UBR1: variants seen among roughly 807,000 people sequenced by gnomAD.
UBR1 encodes the protein ubiquitin protein ligase E3 component n-recognin 1, also known as E3 ubiquitin-protein ligase UBR1.
A neutral mutation model predicts 242.1 loss-of-function variants in UBR1; 102 were observed. The ratio of observed to expected loss-of-function variants is 0.42; its 90% CI spans 0.36 to 0.50. The LOEUF (loss-of-function observed/expected upper bound fraction) is 0.50. Among genes scored for constraint, UBR1 ranks in the 20% least tolerant of loss-of-function variants. UBR1 has a pLI of 0.01. For synonymous variants in UBR1, 675 were observed against 684.8 expected (o/e 0.99, Z 0.22); for missense variants, 1,772 against 2,101.8 (o/e 0.84, Z 3.07).
At chr15:42,978,042 C>G in intron 37 of UBR1, 95 bp from the exon 38 acceptor site, 2 of 945,998 alleles carry the variant, frequency 2.1e-6, no homozygotes, top group Non-Finnish European at 3.4e-6. Context: ...AAACATATAA[C>G]AGGGTTATAA....
At chr15:42,974,635 G>T (rs994258191) in intron 39 of UBR1, among the ~76,000 whole-genome samples, 7 of 152,082 alleles carry the variant, frequency 4.6e-5, no homozygotes, top group African/African-American at 1.4e-4. Flanking sequence ...GATTGACAGG[G>T]TCTCACTCTG....
chr15:42,990,598 T>G (rs1028219872), intron 33 of UBR1, among the ~76,000 whole-genome samples: 6 of 152,252 alleles, frequency 3.9e-5, no homozygotes, highest in Non-Finnish European at 8.8e-5. Flanking sequence ...GATATTCTTC[T>G]GTTCCCCATA....
chr15:43,047,064 A>C, intron 14 of UBR1, 97 bp downstream of exon 14: 2 of 1,425,832 alleles, frequency 1.4e-6, no homozygotes, highest in South Asian at 2.4e-5. Context: ...ATAAATAATA[A>C]AAACTTTACA....
chr15:43,019,107 G>A (rs1157719902), intron 27 of UBR1, among the ~76,000 whole-genome samples: 10 of 151,476 alleles, frequency 6.6e-5, no homozygotes, highest in South Asian at 6.2e-4. Flanking sequence ...TGTCGCCCAC[G>A]CTGGAGTGCA....
chr15:42,952,335 A>G lies in UBR1; in HGVS notation c.4949T>C (p.Val1650Ala). 1.2e-6 allele frequency: 2 copies of G among 1,614,104 alleles called. No individual in the cohort carries two copies. Among genetic ancestry groups the G allele is most frequent in the Non-Finnish European group, 1.7e-6 (2 of 1,180,010 alleles). The change falls in exon 45 of 47, where the codon GTT (valine) becomes GCT (alanine). Residue 1650 changes from valine (V) to alanine (A), a missense_variant. Transcript: ENST00000290650. ...CCQEIVNGEE[V>A]GACIFHALHC... ...AAGTGCGTGAAAAATGCAAGCTCCA[A>G]CCTCTTCCCCGTTCACAATTTCCTG...
intron 1 of UBR1, among the ~76,000 whole-genome samples, chr15:43,093,828 A>AT (rs1417833217): frequency 6.6e-6 from 1 of 151,120 alleles, no homozygotes; most frequent in African/African-American, 2.4e-5. Flanking sequence ...AGGCAAGCTC[A>AT]TAACTAAGCT....
chr15:43,035,253 T>A (rs2033317642), intron 19 of UBR1, among the ~76,000 whole-genome samples: 1 of 152,238 alleles, frequency 6.6e-6, no homozygotes, highest in South Asian at 2.1e-4. Flanking sequence ...AAAGTGATCA[T>A]TTCTAGGAAG....
chr15:43,044,680 C>G (rs1172521055), intron 14 of UBR1, among the ~76,000 whole-genome samples: 2 of 152,088 alleles, frequency 1.3e-5, no homozygotes, highest in Non-Finnish European at 2.9e-5. Flanking sequence ...ATCACGAGGT[C>G]AGGAGTTTGA....
chr15:42,974,464 A>G (rs1023331273), intron 39 of UBR1, among the ~76,000 whole-genome samples: 3 of 152,140 alleles, frequency 2.0e-5, no homozygotes, highest in Non-Finnish European at 4.4e-5. Context: ...TGTCTTTATT[A>G]CTGTAGCTTT....
At chr15:43,069,601 A>C (rs997296039) in intron 5 of UBR1, among the ~76,000 whole-genome samples, 1 of 152,206 alleles carries the variant, frequency 6.6e-6, no homozygotes, top group Admixed American at 6.5e-5. Flanking sequence ...AACAATATGT[A>C]ATATACTTTT....
chr15:42,950,279 T>C lies in UBR1; in HGVS notation c.5091A>G (p.Glu1697=), dbSNP rs2031810722. The part of the protein sequence containing the change: ...YPAPYLDEYG[E]TDPGLKRGNP... ...AATCTTACTTCAGGCCAGGGTCTGTTTCTCCATATTCATCCAAGTAAGGAG... is the reference window on the plus strand; with the variant it reads ...AATCTTACTTCAGGCCAGGGTCTGTCTCTCCATATTCATCCAAGTAAGGAG... Residue 1697 remains glutamate, a synonymous_variant, in exon 46 of 47, where the codon GAA becomes GAG. Transcript: ENST00000290650. 1 of 1,614,094 alleles carries C rather than the reference T, an allele frequency of 6.2e-7. No homozygotes were observed. The highest frequency in any genetic ancestry group is 1.3e-5 in the African/African-American group (1 of 74,944).
intron 17 of UBR1, 72 bp from the exon 18 acceptor site, chr15:43,036,665 T>C (rs1228195549): frequency 9.3e-7 from 1 of 1,076,264 alleles, no homozygotes; most frequent in Non-Finnish European, 1.4e-6. Flanking sequence ...AGAAAACCTA[T>C]CCTTAAAACT....
intron 39 of UBR1, among the ~76,000 whole-genome samples, chr15:42,975,139 A>G (rs4421951): frequency 1 from 151,721 of 152,234 alleles, 75,606 homozygotes; most frequent in Middle Eastern, 1. Flanking sequence ...CAGGTGATCC[A>G]CCTGCCTCAG....
Position 42,976,788 on chromosome 15 carries a change from T to C in UBR1, c.4298A>G (p.Tyr1433Cys). The C allele has an allele frequency of 6.2e-7, 1 of 1,614,102 alleles. No individual in the cohort carries two copies. The highest frequency in any genetic ancestry group is 8.5e-7 in the Non-Finnish European group (1 of 1,179,998). Residue 1433 changes from tyrosine (Y) to cysteine (C), a missense_variant, in exon 39 of 47, where the codon TAT becomes TGT. Physicochemically the swap from Tyr to Cys is radical, Grantham distance 194 (BLOSUM62 -2). Around this residue, in one of 3 missense-constraint regions of UBR1, gnomAD observed 965 missense variants for 1,079.7 expected, o/e 0.89. Transcript: ENST00000290650. Reference protein sequence around the residue: ...DLQPSSVSSSYNHLYLFHLIT... With the variant: ...DLQPSSVSSSCNHLYLFHLIT... ...CAAATGGAAGAGATAAAGGTGGTTA[T>C]AGGAAGAACTAACTGAAGAAGGCTG...
intron 42 of UBR1, among the ~76,000 whole-genome samples, chr15:42,962,107 CTT>C (rs1395129884): frequency 8.0e-6 from 1 of 125,258 alleles, no homozygotes; most frequent in Non-Finnish European, 1.7e-5. Context: ...TCTTTCCTCT[CTT>C]TCTTTGTTGT....
intron 29 of UBR1, among the ~76,000 whole-genome samples, chr15:43,014,163 C>T (rs1463205923): frequency 6.6e-6 from 1 of 152,270 alleles, no homozygotes; most frequent in Non-Finnish European, 1.5e-5. Context: ...GGATTGCAGA[C>T]GGAGTCTCGC....
At chr15:42,993,910 A>G (rs545581374) in intron 33 of UBR1, among the ~76,000 whole-genome samples, 13 of 151,974 alleles carry the variant, frequency 8.6e-5, no homozygotes, top group African/African-American at 3.1e-4. Context: ...GTTTCCATCA[A>G]GGCACTGTTA....
At chr15:43,104,726 A>G (rs1323338624) in intron 1 of UBR1, among the ~76,000 whole-genome samples, 1 of 152,088 alleles carries the variant, frequency 6.6e-6, no homozygotes, top group East Asian at 1.9e-4. Context: ...AAAACCTTCA[A>G]GAATGCTTTT....
rs917859392 is a variant in UBR1 at position 43,037,688 on chromosome 15, C to T, written c.2022+85G>A. 3 of 1,171,188 alleles carry T rather than the reference C, an allele frequency of 2.6e-6. No individual in the cohort carries two copies. The African/African-American group carries it at 4.6e-5, about 18-fold the overall frequency. The allele number at this position is 1,171,188 out of a possible 1,614,324, so 72.5% of individuals were successfully genotyped here. A position where few individuals can be genotyped will look rare whatever the true frequency, so the allele number is the denominator to read the frequency against. ...AATAGTAACATACACTCAGTAAAAT[C>T]TAGGAACACAGGGTAAAATCATATA... On this transcript the variant is annotated intron_variant, in intron 17 of 46. Transcript: ENST00000290650.
Sources: allele counts gnomAD v4.1 joint callset (sites outside exome capture counted in the v4.1 genomes callset), GRCh38; gene constraint gnomAD v4.1.1; regional missense constraint gnomAD v4.1.1; transcripts MANE v1.5; gene names NCBI Gene and HGNC (gene_info 2026-07-23, HGNC 2026-07-21).